The following KCNQ5 variants were observed in gnomAD, a reference collection of about 807,000 sequenced individuals.
KCNQ5 encodes the protein potassium voltage-gated channel subfamily Q member 5, also known as potassium voltage-gated channel subfamily KQT member 5.
KCNQ5 carries 30 observed loss-of-function variants against 98.2 expected under a neutral mutation model. That is an observed-to-expected ratio of 0.31 (90% CI 0.23 to 0.41). KCNQ5 has a LOEUF of 0.41. Among genes scored for constraint, KCNQ5 ranks in the 10% least tolerant of loss-of-function variants. The pLI, the probability that KCNQ5 is intolerant of heterozygous loss-of-function variation, is 1.00. For missense variants in KCNQ5, 835 were observed against 1,182.5 expected, an observed-to-expected ratio of 0.71 and a Z score of 4.31; for synonymous variants, 458 against 449.4, an observed-to-expected ratio of 1.02 and a Z score of -0.24.
At chr6:72,826,409 G>A (rs1775994908) in intron 1 of KCNQ5, among the ~76,000 whole-genome samples, 1 of 149,642 alleles carries the variant, frequency 6.7e-6, no homozygotes, top group Admixed American at 6.6e-5. Flanking sequence ...AAAGCTACAG[G>A]AAAATCATAA....
chr6:72,654,946 C>T (rs4707981), intron 1 of KCNQ5, among the ~76,000 whole-genome samples: 77,048 of 151,022 alleles, frequency 0.51, 22,898 homozygotes, highest in African/African-American at 0.82. Context: ...TTCTGCACAA[C>T]ATGTAGTAAA....
chr6:72,664,684 CAAA>C (rs1766705953), intron 1 of KCNQ5, among the ~76,000 whole-genome samples: 1 of 150,920 alleles, frequency 6.6e-6, no homozygotes. Flanking sequence ...AACAAACAAA[CAAA>C]CAAACAAAAA....
intron 1 of KCNQ5, among the ~76,000 whole-genome samples, chr6:72,732,774 A>C (rs868700716): frequency 6.6e-6 from 1 of 152,204 alleles, no homozygotes; most frequent in Non-Finnish European, 1.5e-5. Context: ...AAGAGTACTA[A>C]AGAGGCACAT....
chr6:72,913,072 T>G (rs1176815271), intron 1 of KCNQ5, among the ~76,000 whole-genome samples: 4 of 152,192 alleles, frequency 2.6e-5, no homozygotes, highest in African/African-American at 4.8e-5. Flanking sequence ...GTTTTTTTAA[T>G]GGTGCATACT....
intron 1 of KCNQ5, among the ~76,000 whole-genome samples, chr6:72,698,538 G>A (rs1312063400): frequency 1.3e-5 from 2 of 151,886 alleles, no homozygotes; most frequent in Non-Finnish European, 2.9e-5. Context: ...GCAATTATGG[G>A]GGGATTTTCT....
chr6:72,943,911 CAGCTGTATA>C (rs1410962057), intron 1 of KCNQ5, among the ~76,000 whole-genome samples: 1 of 152,232 alleles, frequency 6.6e-6, no homozygotes, highest in Non-Finnish European at 1.5e-5. Flanking sequence ...ACCTTCACAA[CAGCTGTATA>C]AGGCAGAAAG....
intron 1 of KCNQ5, among the ~76,000 whole-genome samples, chr6:72,681,943 G>T (rs77506147): frequency 0.01 from 1,550 of 152,250 alleles, 23 homozygotes; most frequent in African/African-American, 0.036. Flanking sequence ...CTTCCCTGAG[G>T]GGGAACTGGA....
chr6:72,622,180 T>A lies in KCNQ5; in HGVS notation c.-10T>A, dbSNP rs1472155539. The A allele has an allele frequency of 8.2e-7, 1 of 1,217,174 alleles. No individual in the cohort carries two copies. The allele number at this position is 1,217,174 out of a possible 1,614,324, so 75.4% of individuals were successfully genotyped here. A position where few individuals can be genotyped will look rare whatever the true frequency, so the allele number is the denominator to read the frequency against. ...GCTGGCGGCCCCCTCGCGGTGCCCG[T>A]GGTGATGCCATGCCCCGCCACCACG... On this transcript the variant is annotated 5_prime_UTR_variant, in exon 1 of 14. Transcript: ENST00000370398. This position sits in a 1 kb window ranked among gnomAD's most constrained non-coding sequence, Gnocchi z 6.0.
At chr6:72,778,450 G>C (rs1473162207) in intron 1 of KCNQ5, among the ~76,000 whole-genome samples, 2 of 151,822 alleles carry the variant, frequency 1.3e-5, no homozygotes, top group African/African-American at 4.8e-5. Context: ...AGGTGGTGGG[G>C]GTCGCTTGAC....
intron 1 of KCNQ5, among the ~76,000 whole-genome samples, chr6:72,721,255 G>A (rs1485272119): frequency 1.3e-5 from 2 of 152,126 alleles, no homozygotes; most frequent in Non-Finnish European, 2.9e-5. Context: ...GTTCTTGGAT[G>A]TCTTCTTCCC....
At position 72,704,002 on chromosome 6, in the gene KCNQ5, A is replaced by G. The variant is rs558459772; in HGVS notation, c.398+81415A>G. 2.6e-5 allele frequency among the ~76,000 whole-genome samples: 4 copies of G among 152,330 alleles called. No homozygotes were observed. In the East Asian group the frequency reaches 7.7e-4, roughly 29 times the overall value. On this transcript the variant is annotated intron_variant, in intron 1 of 13. Coordinates refer to ENST00000370398, the MANE Select transcript of KCNQ5 (RefSeq NM_019842.4). ...GCCTTAAAACATTTGGCAAAACCAT[A>G]CTTTTCTACGAAAATAAAAATGAGT...
chr6:72,747,993 A>G (rs1771490474), intron 1 of KCNQ5, among the ~76,000 whole-genome samples: 1 of 152,184 alleles, frequency 6.6e-6, no homozygotes, highest in Non-Finnish European at 1.5e-5. Context: ...ATCCTACGTC[A>G]GAAAATCTTC....
At chr6:73,136,130 C>T (rs1355444421) in intron 10 of KCNQ5, 1 of 152,212 alleles carries the variant, frequency 6.6e-6, no homozygotes, top group Non-Finnish European at 1.5e-5. Flanking sequence ...GAGATGTGTC[C>T]ATATCTTCAT....
At chr6:72,840,628 T>C (rs1039451422) in intron 1 of KCNQ5, among the ~76,000 whole-genome samples, 1 of 152,210 alleles carries the variant, frequency 6.6e-6, no homozygotes, top group Non-Finnish European at 1.5e-5. Flanking sequence ...CGGCTAGTTG[T>C]TTTTCTGTAT....
chr6:72,955,073 A>T (rs1766979397), intron 1 of KCNQ5, among the ~76,000 whole-genome samples: 1 of 152,250 alleles, frequency 6.6e-6, no homozygotes, highest in African/African-American at 2.4e-5. Context: ...AGTCAGTAGC[A>T]TCATGGAAAT....
At chr6:72,955,280 A>T (rs552610970) in intron 1 of KCNQ5, among the ~76,000 whole-genome samples, 6 of 152,216 alleles carry the variant, frequency 3.9e-5, no homozygotes, top group Non-Finnish European at 8.8e-5. Flanking sequence ...TAAATTGGAT[A>T]CATAAACATG....
intron 10 of KCNQ5, among the ~76,000 whole-genome samples, chr6:73,168,761 A>G (rs1777899568): frequency 6.6e-6 from 1 of 152,164 alleles, no homozygotes; most frequent in Non-Finnish European, 1.5e-5. Flanking sequence ...TCATGAGAGC[A>G]TTTTTATTAC....
At chr6:72,805,791 A>C (rs1487053386) in intron 1 of KCNQ5, among the ~76,000 whole-genome samples, 3 of 152,116 alleles carry the variant, frequency 2.0e-5, no homozygotes, top group African/African-American at 7.2e-5. Context: ...TTGATTCCCC[A>C]CCTATGGACA....
chr6:73,074,906 T>A (rs1228075545), intron 3 of KCNQ5, among the ~76,000 whole-genome samples: 3 of 152,174 alleles, frequency 2.0e-5, no homozygotes, highest in Non-Finnish European at 2.9e-5. Context: ...TCTTTTTCTT[T>A]TCTTTCTACA....
Sources: allele counts gnomAD v4.1 joint callset (sites outside exome capture counted in the v4.1 genomes callset), GRCh38; gene constraint gnomAD v4.1.1; non-coding constraint Gnocchi (gnomAD v3.1); transcripts MANE v1.5; gene names NCBI Gene and HGNC (gene_info 2026-07-23, HGNC 2026-07-21).